Variants in GPR149 observed in about 807,000 individuals in gnomAD.
The protein encoded by GPR149 is G protein-coupled receptor 149.
Under a neutral mutation model 50.2 loss-of-function variants are expected in GPR149, and 50 were observed. That is an observed-to-expected ratio of 1.00 (90% CI 0.79 to 1.26). GPR149 has a LOEUF of 1.26. GPR149 is among the 50% of genes most tolerant of loss of function. The pLI is 0.00. For missense variants in GPR149, 983 were observed against 895.4 expected, an observed-to-expected ratio of 1.10 and a Z score of -1.25; for synonymous variants, 405 against 358.2, an observed-to-expected ratio of 1.13 and a Z score of -1.48.
chr3:154,343,583 G>A (rs931477391), intron 3 of GPR149, among the ~76,000 whole-genome samples: 4 of 152,074 alleles, frequency 2.6e-5, no homozygotes, highest in African/African-American at 9.7e-5. Context: ...GTTGGGTAGA[G>A]GGCACTATTT....
At chr3:154,367,921 A>G (rs916357394) in intron 3 of GPR149, among the ~76,000 whole-genome samples, 3 of 152,166 alleles carry the variant, frequency 2.0e-5, no homozygotes, top group Non-Finnish European at 4.4e-5. Context: ...CAGAGGCTAA[A>G]CTGGGCACCT....
At chr3:154,390,609 TAAG>T (rs1313908872) in intron 3 of GPR149, among the ~76,000 whole-genome samples, 1 of 152,008 alleles carries the variant, frequency 6.6e-6, no homozygotes, top group Non-Finnish European at 1.5e-5. Flanking sequence ...TATGGGAGTG[TAAG>T]AAGAAGGAGA....
intron 3 of GPR149, among the ~76,000 whole-genome samples, chr3:154,358,270 C>T (rs1714291631): frequency 6.6e-6 from 1 of 151,766 alleles, no homozygotes; most frequent in Admixed American, 6.6e-5. Context: ...TGCACATGTA[C>T]CCTAAAACTT....
intron 3 of GPR149, chr3:154,353,148 C>T (rs1301446736): frequency 6.6e-6 from 10 of 1,510,782 alleles, no homozygotes; most frequent in Non-Finnish European, 9.2e-6. Context: ...CCTGGTCTCA[C>T]AGAAAATAAT....
intron 3 of GPR149, among the ~76,000 whole-genome samples, chr3:154,420,511 T>C (rs1400155158): frequency 6.6e-6 from 1 of 151,992 alleles, no homozygotes; most frequent in Non-Finnish European, 1.5e-5. Context: ...CGAGAATGTA[T>C]TCTGTAATAT....
chr3:154,391,466 G>A (rs1175383954), intron 3 of GPR149, among the ~76,000 whole-genome samples: 1 of 151,588 alleles, frequency 6.6e-6, no homozygotes, highest in African/African-American at 2.4e-5. Flanking sequence ...TAAAAAAAGA[G>A]AAGGAAATCA....
In GPR149 at chr3:154,362,213, C is replaced by T. The variant is rs537887558; in HGVS notation, c.1624-23942G>A. Among the ~76,000 whole-genome samples, 209 of 139,908 alleles carry T rather than the reference C, an allele frequency of 1.5e-3. 1 individual carries two copies. The highest frequency in any genetic ancestry group is 5.3e-3 in the African/African-American group (198 of 37,074). 91.8% of individuals were successfully genotyped at this position (139,908 alleles called of 152,430 possible). On this transcript the variant is annotated intron_variant, in intron 3 of 3. Transcript: ENST00000389740. ...CTGAGGCAGGAGAATGGTGTGAACC[C>T]GGGAGGCGGAGCCTGCAGTGAGCCG...
rs1419285477 is a variant in GPR149 at position 154,335,960 on chromosome 3, T to A, written c.*1739A>T. 2.6e-5 allele frequency: 4 copies of A among 152,156 alleles called. No individual in the cohort carries two copies. Among genetic ancestry groups the A allele is most frequent in the African/African-American group, 9.6e-5 (4 of 41,464 alleles). 9.4% of individuals were successfully genotyped at this position (152,156 alleles called of 1,614,324 possible). ...AGCATTATGAGAATATTCAATTCAA[T>A]TTTTCTTTTATAAAGACATTTAATG... On this transcript the variant is annotated 3_prime_UTR_variant, in exon 4 of 4. Transcript: ENST00000389740.
chr3:154,420,501 C>T (rs753678833), intron 3 of GPR149, among the ~76,000 whole-genome samples: 7 of 151,860 alleles, frequency 4.6e-5, no homozygotes, highest in East Asian at 1.9e-4. Context: ...CAAATGCTCA[C>T]GAGAATGTAT....
At chr3:154,357,585 A>G (rs949485706) in intron 3 of GPR149, among the ~76,000 whole-genome samples, 41 of 152,204 alleles carry the variant, frequency 2.7e-4, no homozygotes, top group Non-Finnish European at 2.8e-4. Context: ...CAAAACCACA[A>G]TGAGATACCA....
intron 3 of GPR149, among the ~76,000 whole-genome samples, chr3:154,414,294 T>TA (rs898747578): frequency 6.6e-6 from 1 of 151,762 alleles, no homozygotes; most frequent in African/African-American, 2.4e-5. Context: ...ACCTGTTCCC[T>TA]AAAAACCTAT....
intron 3 of GPR149, chr3:154,353,349 C>T: frequency 7.0e-7 from 1 of 1,419,974 alleles, no homozygotes; most frequent in Non-Finnish European, 1.0e-6. Flanking sequence ...CCACTGTGGG[C>T]AAGTTGCAGA....
At chr3:154,425,305 G>A (rs998769791) in intron 2 of GPR149, among the ~76,000 whole-genome samples, 1 of 152,088 alleles carries the variant, frequency 6.6e-6, no homozygotes, top group South Asian at 2.1e-4. Context: ...GAAGTTCACT[G>A]ACTGATAAAG....
intron 3 of GPR149, chr3:154,352,081 T>C (rs1714094435): frequency 7.5e-6 from 4 of 533,766 alleles, no homozygotes; most frequent in South Asian, 4.1e-5. Context: ...GTGGATAATA[T>C]ACATAATTAG....
At chr3:154,354,269 C>T in intron 3 of GPR149, 1 of 404,664 alleles carries the variant, frequency 2.5e-6, no homozygotes, top group Non-Finnish European at 4.8e-6. Flanking sequence ...GTGTTTTCAG[C>T]TTATCTTGTT....
chr3:154,405,846 G>A (rs1198420268), intron 3 of GPR149, among the ~76,000 whole-genome samples: 1 of 151,478 alleles, frequency 6.6e-6, no homozygotes, highest in African/African-American at 2.4e-5. Context: ...AAAAGCATGG[G>A]TGAATTCCAT....
At chr3:154,353,845 A>G in intron 3 of GPR149, 1 of 625,574 alleles carries the variant, frequency 1.6e-6, no homozygotes, top group Non-Finnish European at 2.9e-6. Flanking sequence ...TCCTAACTTG[A>G]ATAGGAAAGA....
intron 3 of GPR149, among the ~76,000 whole-genome samples, chr3:154,393,995 A>G (rs1473345787): frequency 6.6e-6 from 1 of 152,038 alleles, no homozygotes; most frequent in Non-Finnish European, 1.5e-5. Context: ...ACTCAAAGCA[A>G]TGTAGAGACT....
intron 3 of GPR149, among the ~76,000 whole-genome samples, chr3:154,387,033 T>C (rs1216919475): frequency 2.0e-5 from 3 of 152,296 alleles, no homozygotes; most frequent in African/African-American, 4.8e-5. Context: ...CTACAACATA[T>C]GTTAACATTT....
Sources: allele counts gnomAD v4.1 joint callset (sites outside exome capture counted in the v4.1 genomes callset), GRCh38; gene constraint gnomAD v4.1.1; transcripts MANE v1.5; gene names NCBI Gene and HGNC (gene_info 2026-07-23, HGNC 2026-07-21).